SAMD5: variants seen among roughly 807,000 people sequenced by gnomAD.
SAMD5 encodes the protein sterile alpha motif domain containing 5.
In SAMD5, 13 loss-of-function variants were observed where a neutral mutation model predicts 11.3. The observed-to-expected ratio is 1.15, with a 90% CI of 0.75 to 1.83. The LOEUF (loss-of-function observed/expected upper bound fraction) is 1.83. SAMD5 is among the 40% of genes most tolerant of loss of function. SAMD5 has a pLI of 0.00. For synonymous variants in SAMD5, 129 were observed against 111.3 expected (o/e 1.16, Z -1.00); for missense variants, 255 against 239.1 (o/e 1.07, Z -0.44).
At chr6:147,913,350 A>T in the SAMD5 span, among the ~76,000 whole-genome samples, 1 of 152,176 alleles carries the variant, frequency 6.6e-6, no homozygotes, top group Non-Finnish European at 1.5e-5. Context: ...AACAATTTTA[A>T]ATGTATTATA....
the SAMD5 span, among the ~76,000 whole-genome samples, chr6:147,881,735 C>T: frequency 6.6e-6 from 1 of 152,202 alleles, no homozygotes; most frequent in African/African-American, 2.4e-5. Context: ...CCAAAATCGG[C>T]TCCTTGCGAA....
the SAMD5 span, among the ~76,000 whole-genome samples, chr6:147,779,195 C>T: frequency 1.3e-5 from 2 of 152,044 alleles, no homozygotes; most frequent in Non-Finnish European, 2.9e-5. Flanking sequence ...GCTGTGGCTA[C>T]TTTTAATTTT....
the SAMD5 span, among the ~76,000 whole-genome samples, chr6:147,813,127 G>A: frequency 1.3e-5 from 2 of 152,160 alleles, no homozygotes; most frequent in African/African-American, 2.4e-5. Flanking sequence ...CTCTGCTTGT[G>A]TTAAATTAAA....
At chr6:147,806,482 C>T in the SAMD5 span, among the ~76,000 whole-genome samples, 2 of 152,176 alleles carry the variant, frequency 1.3e-5, no homozygotes, top group Admixed American at 6.5e-5. Flanking sequence ...GTCATTGCCA[C>T]GGTTTTTGGA....
At chr6:147,631,383 C>G (rs1790148469) in intron 1 of SAMD5, among the ~76,000 whole-genome samples, 1 of 152,268 alleles carries the variant, frequency 6.6e-6, no homozygotes, top group East Asian at 1.9e-4. Flanking sequence ...TTTTTGGGCT[C>G]TATCCTTGAC....
the SAMD5 span, among the ~76,000 whole-genome samples, chr6:147,898,648 T>G: frequency 6.6e-6 from 1 of 152,250 alleles, no homozygotes; most frequent in South Asian, 2.1e-4. Flanking sequence ...TAATCTGGTC[T>G]TATTCATTGC....
At chr6:147,749,639 G>C in the SAMD5 span, among the ~76,000 whole-genome samples, 7 of 152,208 alleles carry the variant, frequency 4.6e-5, no homozygotes, top group Non-Finnish European at 1.0e-4. Flanking sequence ...GACCGGGTTA[G>C]AGTGTATGAT....
At chr6:147,784,337 A>G in the SAMD5 span, among the ~76,000 whole-genome samples, 1 of 152,164 alleles carries the variant, frequency 6.6e-6, no homozygotes, top group African/African-American at 2.4e-5. Context: ...CATTCTAAAA[A>G]TATTCTCTCT....
intron 1 of SAMD5, among the ~76,000 whole-genome samples, chr6:147,610,945 C>T (rs1043991498): frequency 1.3e-5 from 2 of 150,538 alleles, no homozygotes; most frequent in Non-Finnish European, 2.9e-5. Flanking sequence ...TCTCAGCTTA[C>T]TGCAACCTCC....
At chr6:147,946,099 G>A in the SAMD5 span, among the ~76,000 whole-genome samples, 1 of 151,518 alleles carries the variant, frequency 6.6e-6, no homozygotes, top group East Asian at 1.9e-4. Context: ...ATCTCACTTT[G>A]CCTATACTCA....
At chr6:147,949,410 T>G in the SAMD5 span, among the ~76,000 whole-genome samples, 1 of 152,240 alleles carries the variant, frequency 6.6e-6, no homozygotes, top group African/African-American at 2.4e-5. Context: ...CATTTCACTA[T>G]ATTCAGGTAA....
chr6:147,950,183 A>T, the SAMD5 span, among the ~76,000 whole-genome samples: 1 of 152,206 alleles, frequency 6.6e-6, no homozygotes, highest in Non-Finnish European at 1.5e-5. Context: ...TATGACTAAT[A>T]TGATCATTTT....
At chr6:147,585,572 T>C (rs147657505) in intron 1 of SAMD5, among the ~76,000 whole-genome samples, 11 of 152,238 alleles carry the variant, frequency 7.2e-5, no homozygotes, top group African/African-American at 2.6e-4. Context: ...ATTTATTTAA[T>C]AAATTGCTAT....
chr6:147,846,807 G>A, the SAMD5 span, among the ~76,000 whole-genome samples: 2 of 152,078 alleles, frequency 1.3e-5, no homozygotes, highest in African/African-American at 4.8e-5. Context: ...GTGACAGAGC[G>A]AAACTGTCTC....
At chr6:147,581,471 T>G (rs1789296727) in intron 1 of SAMD5, among the ~76,000 whole-genome samples, 1 of 151,504 alleles carries the variant, frequency 6.6e-6, no homozygotes, top group African/African-American at 2.4e-5. Context: ...AGAGGATGAG[T>G]GATGAAACAT....
the SAMD5 span, among the ~76,000 whole-genome samples, chr6:147,948,647 C>A: frequency 6.6e-6 from 1 of 152,164 alleles, no homozygotes; most frequent in Admixed American, 6.5e-5. Context: ...ATATCTATAT[C>A]TGTATAGTTA....
At chr6:147,701,383 C>T (rs534276814) in intron 1 of SAMD5, among the ~76,000 whole-genome samples, 19 of 152,158 alleles carry the variant, frequency 1.2e-4, no homozygotes, top group African/African-American at 3.9e-4. Flanking sequence ...CCTATAATCC[C>T]GGCACTTTGG....
At chr6:147,559,137 C>T (rs1315486437) in intron 1 of SAMD5, among the ~76,000 whole-genome samples, 1 of 152,184 alleles carries the variant, frequency 6.6e-6, no homozygotes, top group Non-Finnish European at 1.5e-5. Flanking sequence ...TGACTCCAGG[C>T]GGTAAGGCGG....
intron 1 of SAMD5, among the ~76,000 whole-genome samples, chr6:147,726,081 T>C (rs570296613): frequency 6.6e-6 from 1 of 152,296 alleles, no homozygotes; most frequent in South Asian, 2.1e-4. Flanking sequence ...TGAGTTAAAT[T>C]TACAACCCTA....
Sources: gnomAD v4.1 joint callset for allele counts (sites outside exome capture counted in the v4.1 genomes callset) on GRCh38, gnomAD v4.1.1 for gene constraint, MANE v1.5 for transcripts, NCBI Gene and HGNC (gene_info 2026-07-23, HGNC 2026-07-21) for gene names.